Variants in GPHN observed in about 807,000 individuals in gnomAD.
The protein encoded by GPHN is gephyrin.
In GPHN, 17 loss-of-function variants were observed where a neutral mutation model predicts 95.5. That is an observed-to-expected ratio of 0.18 (90% confidence interval 0.12 to 0.27). GPHN has a LOEUF of 0.27. Among genes scored for constraint, GPHN ranks in the 10% least tolerant of loss-of-function variants. The pLI, the probability that GPHN is intolerant of heterozygous loss-of-function variation, is 1.00. For synonymous variants in GPHN, 320 were observed against 322.5 expected (o/e 0.99, Z 0.08); for missense variants, 660 against 978.1 (o/e 0.67, Z 4.34).
chr14:66,882,135 G>A (rs1196912261), intron 5 of GPHN, among the ~76,000 whole-genome samples: 1 of 151,778 alleles, frequency 6.6e-6, no homozygotes. Context: ...ACATGTCATA[G>A]TATATTGTAA....
chr14:67,208,478 AT>A, the GPHN span: 1 of 1,592,484 alleles, frequency 6.3e-7, no homozygotes, highest in South Asian at 1.2e-5. Flanking sequence ...TGCCAAAGGA[AT>A]TCTAAGACAT....
the GPHN span, chr14:67,376,711 GC>G: frequency 9.6e-7 from 1 of 1,044,768 alleles, no homozygotes; most frequent in Non-Finnish European, 1.4e-6. Flanking sequence ...TTTTGTATTG[GC>G]CAGTAAATGG....
chr14:67,421,854 T>G, the GPHN span, among the ~76,000 whole-genome samples: 3 of 152,184 alleles, frequency 2.0e-5, no homozygotes, highest in East Asian at 5.8e-4. Flanking sequence ...CACTTCTCAT[T>G]GCTGTTAGGC....
intron 1 of GPHN, among the ~76,000 whole-genome samples, chr14:66,626,951 AGAGATTTGCTTTATT>A (rs1566725421): frequency 6.6e-6 from 1 of 152,054 alleles, no homozygotes. Flanking sequence ...TTTGCTTTAT[AGAGATTTGCTTTATT>A]GAGATTTGCT....
the GPHN span, among the ~76,000 whole-genome samples, chr14:67,632,561 G>A: frequency 2.0e-5 from 3 of 152,054 alleles, no homozygotes; most frequent in Non-Finnish European, 4.4e-5. Flanking sequence ...TGTACCCAGG[G>A]GAGTTAGGCT....
At chr14:67,223,822 C>A in the GPHN span, 15 of 985,798 alleles carry the variant, frequency 1.5e-5, no homozygotes, top group Non-Finnish European at 1.8e-5. Flanking sequence ...CTCTAAATCA[C>A]CTGTTCCCCT....
At chr14:67,440,610 G>C in the GPHN span, among the ~76,000 whole-genome samples, 2 of 152,064 alleles carry the variant, frequency 1.3e-5, no homozygotes, top group Non-Finnish European at 2.9e-5. Context: ...AAATCAGCTG[G>C]GCATGGTTGT....
At chr14:66,621,131 ATTTT>A (rs149505173) in intron 1 of GPHN, among the ~76,000 whole-genome samples, 18 of 141,360 alleles carry the variant, frequency 1.3e-4, no homozygotes, top group East Asian at 4.1e-4. Flanking sequence ...AGCCCAGCCA[ATTTT>A]TTTTTTTTTT....
chr14:67,306,144 A>G, the GPHN span, among the ~76,000 whole-genome samples: 5 of 152,082 alleles, frequency 3.3e-5, no homozygotes, highest in African/African-American at 1.2e-4. Context: ...TAATTTTTGT[A>G]TTTTTAGCAG....
At chr14:66,790,711 G>A (rs1285964724) in intron 3 of GPHN, among the ~76,000 whole-genome samples, 1 of 152,192 alleles carries the variant, frequency 6.6e-6, no homozygotes, top group Non-Finnish European at 1.5e-5. Context: ...AGGGCGGGGA[G>A]GGTCAGGGAA....
chr14:67,360,249 C>A, the GPHN span: 1 of 399,500 alleles, frequency 2.5e-6, no homozygotes, highest in South Asian at 1.2e-4. Context: ...TCCTTGTTCT[C>A]GGAGGACCCA....
chr14:67,062,645 G>A (rs2075872047), intron 11 of GPHN, among the ~76,000 whole-genome samples: 1 of 152,166 alleles, frequency 6.6e-6, no homozygotes, highest in Admixed American at 6.5e-5. Flanking sequence ...AGATATAATA[G>A]TAAGACTAAG....
intron 2 of GPHN, among the ~76,000 whole-genome samples, chr14:66,773,273 T>C (rs1013696117): frequency 6.6e-6 from 1 of 152,146 alleles, no homozygotes; most frequent in African/African-American, 2.4e-5. Context: ...ACCAGAAATA[T>C]TAGACACAAG....
chr14:67,673,047 T>C, the GPHN span, among the ~76,000 whole-genome samples: 1 of 152,254 alleles, frequency 6.6e-6, no homozygotes, highest in African/African-American at 2.4e-5. Context: ...TTTAAGTCTC[T>C]GTTCAAACGC....
chr14:67,256,009 A>G, the GPHN span, among the ~76,000 whole-genome samples: 3 of 152,190 alleles, frequency 2.0e-5, no homozygotes, highest in Non-Finnish European at 4.4e-5. Context: ...TTAATAAGTA[A>G]TTGTAATTTA....
At chr14:67,633,504 C>T in the GPHN span, among the ~76,000 whole-genome samples, 3 of 152,166 alleles carry the variant, frequency 2.0e-5, no homozygotes, top group African/African-American at 7.2e-5. Flanking sequence ...TCAACATATC[C>T]CAAACTGACC....
At chr14:66,871,420 A>G (rs2063428992) in intron 4 of GPHN, among the ~76,000 whole-genome samples, 2 of 152,232 alleles carry the variant, frequency 1.3e-5, no homozygotes, top group South Asian at 2.1e-4. Context: ...TGAAATAAAT[A>G]TTAACACTAT....
At chr14:66,777,896 C>G (rs1398337952) in intron 3 of GPHN, among the ~76,000 whole-genome samples, 1 of 151,998 alleles carries the variant, frequency 6.6e-6, no homozygotes, top group African/African-American at 2.4e-5. Flanking sequence ...TGGAAGCATT[C>G]CCTTTGAAAA....
chr14:66,818,416 T>C (rs1029731242), intron 3 of GPHN, among the ~76,000 whole-genome samples: 6 of 152,192 alleles, frequency 3.9e-5, no homozygotes, highest in Non-Finnish European at 8.8e-5. Flanking sequence ...TCCGTGTCCC[T>C]GCAAAGAACA....
Sources: allele counts gnomAD v4.1 joint callset (sites outside exome capture counted in the v4.1 genomes callset), GRCh38; gene constraint gnomAD v4.1.1; transcripts MANE v1.5; gene names NCBI Gene and HGNC (gene_info 2026-07-23, HGNC 2026-07-21).